PJA2: variants seen among roughly 807,000 people sequenced by gnomAD.
The protein encoded by PJA2 is praja ring finger ubiquitin ligase 2, also known as E3 ubiquitin-protein ligase Praja-2.
A neutral mutation model predicts 69.3 loss-of-function variants in PJA2; 25 were observed. The ratio of observed to expected loss-of-function variants is 0.36; its 90% CI spans 0.26 to 0.50. The LOEUF (loss-of-function observed/expected upper bound fraction) is 0.50. PJA2 is among the 20% of genes least tolerant of loss of function. The probability of loss-of-function intolerance (pLI) is 0.96; values close to 1 mark genes in which losing one functional copy is unlikely to be tolerated. For missense variants in PJA2, 809 were observed against 830.2 expected, an observed-to-expected ratio of 0.97 and a Z score of 0.31; for synonymous variants, 308 against 277.8, an observed-to-expected ratio of 1.11 and a Z score of -1.08.
intron 7 of PJA2, among the ~76,000 whole-genome samples, chr5:109,347,056 G>T (rs111726566): frequency 2.6e-5 from 4 of 152,110 alleles, no homozygotes; most frequent in Non-Finnish European, 5.9e-5. Flanking sequence ...CTTGGGCCAA[G>T]CCCAAAGCAA....
intron 9 of PJA2, 38 bp downstream of exon 9, chr5:109,344,152 T>C (rs1426730988): frequency 7.6e-7 from 1 of 1,318,210 alleles, no homozygotes; most frequent in South Asian, 1.4e-5. Context: ...AAGACACTAT[T>C]AAAGTATTTT....
intron 9 of PJA2, among the ~76,000 whole-genome samples, chr5:109,337,638 TA>T (rs559511592): frequency 3.9e-5 from 6 of 152,288 alleles, no homozygotes; most frequent in Non-Finnish European, 7.4e-5. Context: ...TAAGAGCTGC[TA>T]AACTCAGCAG....
intron 6 of PJA2, among the ~76,000 whole-genome samples, chr5:109,358,956 AG>A (rs1206011331): frequency 6.6e-6 from 1 of 152,212 alleles, no homozygotes; most frequent in African/African-American, 2.4e-5. Flanking sequence ...TCACGCTAGA[AG>A]CCTACTGACT....
intron 1 of PJA2, 40 bp from the exon 2 acceptor site, chr5:109,383,560 G>C: frequency 1.4e-6 from 1 of 726,614 alleles, no homozygotes; most frequent in Non-Finnish European, 2.2e-6. Flanking sequence ...ATTAATAAAA[G>C]CACAAAAATA....
At chr5:109,400,460 C>T (rs900996016) in intron 1 of PJA2, among the ~76,000 whole-genome samples, 38 of 109,304 alleles carry the variant, frequency 3.5e-4, no homozygotes, top group Middle Eastern at 0.012. Flanking sequence ...TGGAACCCCA[C>T]AAAAAGAGAG....
At chr5:109,363,477 T>C (rs1015249997) in intron 5 of PJA2, among the ~76,000 whole-genome samples, 1 of 152,208 alleles carries the variant, frequency 6.6e-6, no homozygotes, top group Non-Finnish European at 1.5e-5. Flanking sequence ...CCAGCTACTA[T>C]GCTCCTACTG....
intron 4 of PJA2, among the ~76,000 whole-genome samples, chr5:109,374,628 C>T (rs1403619833): frequency 6.6e-6 from 1 of 152,188 alleles, no homozygotes; most frequent in Non-Finnish European, 1.5e-5. Flanking sequence ...TTGAAGTCAA[C>T]TAAATGGCTA....
chr5:109,393,941 G>A (rs1291274475), intron 1 of PJA2, among the ~76,000 whole-genome samples: 1 of 150,154 alleles, frequency 6.7e-6, no homozygotes, highest in Non-Finnish European at 1.5e-5. Context: ...TACCAAGAGA[G>A]AATAATCACC....
At chr5:109,389,535 T>C (rs914920334) in intron 1 of PJA2, among the ~76,000 whole-genome samples, 1 of 152,072 alleles carries the variant, frequency 6.6e-6, no homozygotes, top group Admixed American at 6.6e-5. Context: ...CTCTCATTTT[T>C]CTTAATCAGG....
rs947748442 is a variant in PJA2, at chr5:109,364,398, C to T, written c.1470-1376G>A. ...CAGCACTTTGGGAGGCCGAGGCGGGCGGATCACGAGGTCAGGAGATCGAGA... is the reference window on the plus strand; with the variant it reads ...CAGCACTTTGGGAGGCCGAGGCGGGTGGATCACGAGGTCAGGAGATCGAGA... On this transcript the variant is annotated intron_variant, in intron 5 of 9. Transcript: ENST00000361189. 4.6e-5 allele frequency among the ~76,000 whole-genome samples: 7 copies of T among 151,348 alleles called. No homozygotes were observed. In the East Asian group the frequency reaches 7.7e-4, roughly 17 times the overall value.
chr5:109,378,810 A>C lies in PJA2; in HGVS notation c.677T>G (p.Val226Gly). 6.2e-7 allele frequency: 1 copy of C among 1,613,370 alleles called. No individual in the cohort carries two copies. The highest frequency in any genetic ancestry group is 8.5e-7 in the Non-Finnish European group (1 of 1,180,002). Residue 226 changes from valine to glycine, a missense_variant, in exon 4 of 10, where the codon GTA becomes GGA. Physicochemically the swap from Val to Gly is moderately radical, Grantham distance 109 (BLOSUM62 -3). Coordinates refer to ENST00000361189, the MANE Select transcript of PJA2 (RefSeq NM_014819.5). ...SPPVPSFNCE[V>G]RDEFEELDSV... The stretch of plus-strand genomic sequence containing the variant: ...ATCTAACTCTTCAAACTCATCTCTT[A>C]CTTCACAGTTAAATGAGGGAACTGG...
intron 8 of PJA2, among the ~76,000 whole-genome samples, 194 bp from the exon 9 acceptor site, chr5:109,344,505 C>CA (rs1363715670): frequency 6.6e-6 from 1 of 152,180 alleles, no homozygotes; most frequent in African/African-American, 2.4e-5. Flanking sequence ...AAAAAGCTGA[C>CA]AGAGGAACAT....
At chr5:109,388,860 T>C (rs1747221627) in intron 1 of PJA2, among the ~76,000 whole-genome samples, 1 of 152,202 alleles carries the variant, frequency 6.6e-6, no homozygotes, top group African/African-American at 2.4e-5. Context: ...TACCCTGCAT[T>C]TCCTTTTAGT....
At chr5:109,342,685 C>T (rs1288184862) in intron 9 of PJA2, among the ~76,000 whole-genome samples, 18 of 126,934 alleles carry the variant, frequency 1.4e-4, no homozygotes, top group Middle Eastern at 4.8e-3. Flanking sequence ...CCAGCCGCCC[C>T]GTCCGGGAGG....
chr5:109,363,633 T>C (rs978071836), intron 5 of PJA2, among the ~76,000 whole-genome samples: 2 of 152,236 alleles, frequency 1.3e-5, no homozygotes, highest in Non-Finnish European at 2.9e-5. Flanking sequence ...CAGGGAGGCC[T>C]GTCTTGAACA....
At chr5:109,378,171 C>A (rs777693631) in intron 4 of PJA2, 33 bp downstream of exon 4, 1 of 1,497,930 alleles carries the variant, frequency 6.7e-7, no homozygotes, top group South Asian at 1.2e-5. Context: ...TCATTTACTA[C>A]ACAATCGGAA....
In PJA2 at chr5:109,367,084, A is replaced by T. The variant is rs537869507; in HGVS notation, c.1469+1477T>A. Among the ~76,000 whole-genome samples the T allele has an allele frequency of 6.0e-5, 9 of 150,886 alleles. No individual in the cohort carries two copies. In the South Asian group the frequency reaches 1.7e-3, roughly 28 times the overall value. On this transcript the variant is annotated intron_variant, in intron 5 of 9. Coordinates refer to ENST00000361189, the MANE Select transcript of PJA2 (RefSeq NM_014819.5). ...GAGATGGAGGTTTCAGTGAGCCGAG[A>T]TCGTACCACTGCACTCCAGCCTGGG...
At chr5:109,370,055 A>G (rs1050418208) in intron 4 of PJA2, among the ~76,000 whole-genome samples, 5 of 150,242 alleles carry the variant, frequency 3.3e-5, no homozygotes, top group African/African-American at 1.2e-4. Context: ...AAAAAAAAAA[A>G]GCAGCACAGA....
At chr5:109,385,610 T>C (rs1257797327) in intron 1 of PJA2, among the ~76,000 whole-genome samples, 1 of 152,184 alleles carries the variant, frequency 6.6e-6, no homozygotes, top group East Asian at 1.9e-4. Context: ...GAGCTGTTAG[T>C]ATAATTTGGG....
Sources: allele counts gnomAD v4.1 joint callset (sites outside exome capture counted in the v4.1 genomes callset), GRCh38; gene constraint gnomAD v4.1.1; transcripts MANE v1.5; gene names NCBI Gene and HGNC (gene_info 2026-07-23, HGNC 2026-07-21).